Variants in AQR observed in about 807,000 individuals in gnomAD.
AQR encodes the protein aquarius intron-binding spliceosomal factor, also known as RNA helicase aquarius.
AQR carries 61 observed loss-of-function variants against 180.5 expected under a neutral mutation model. The ratio of observed to expected loss-of-function variants is 0.34; its 90% CI spans 0.28 to 0.42. The LOEUF is 0.42. AQR is among the 10% of genes least tolerant of loss of function. The pLI is 1.00. For missense variants in AQR, 1,281 were observed against 1,798.3 expected (o/e 0.71, Z 5.20); for synonymous variants, 551 against 588.8 (o/e 0.94, Z 0.93).
chr15:34,962,104 C>T (rs1181137488), intron 2 of AQR, among the ~76,000 whole-genome samples: 5 of 150,422 alleles, frequency 3.3e-5, no homozygotes, highest in Admixed American at 2.0e-4. Flanking sequence ...CTCATTGCAA[C>T]GTCTGCCTTC....
chr15:34,925,994 C>T (rs1335405340), intron 13 of AQR, among the ~76,000 whole-genome samples: 1 of 151,522 alleles, frequency 6.6e-6, no homozygotes, highest in Non-Finnish European at 1.5e-5. Context: ...GGTGAAACCC[C>T]GTCTCTACTA....
chr15:34,886,997 C>T (rs1195680032), intron 24 of AQR, among the ~76,000 whole-genome samples: 1 of 151,776 alleles, frequency 6.6e-6, no homozygotes, highest in Non-Finnish European at 1.5e-5. Context: ...TGGTGGCGGG[C>T]ACCTGTAGTC....
At position 34,886,642 on chromosome 15, in the gene AQR, C is replaced by T. The variant is rs1401794957; in HGVS notation, c.2701G>A (p.Val901Ile). ...AAAAGTTCTATTCTTCGAGCCAGAA[C>T]ATAATTAACTCTTCCATACCTAGAC... ...DFSRYGRVNY[V>I]LARRIELLEE... Residue 901 changes from valine (V) to isoleucine (I), a missense_variant, in exon 25 of 35, where the codon GTT becomes ATT. Val to Ile is a conservative substitution (Grantham distance 29, BLOSUM62 3). This residue lies in a region of AQR where 125 missense variants were observed against 185.0 expected (regional missense o/e 0.68). Coordinates refer to ENST00000156471, the MANE Select transcript of AQR (RefSeq NM_014691.3). 2 of 1,613,228 alleles carry T rather than the reference C, an allele frequency of 1.2e-6. No homozygotes were observed. Among genetic ancestry groups the T allele is most frequent in the East Asian group, 2.2e-5 (1 of 44,818 alleles).
At chr15:34,950,720 C>A (rs1294856824) in intron 4 of AQR, among the ~76,000 whole-genome samples, 1 of 152,022 alleles carries the variant, frequency 6.6e-6, no homozygotes, top group African/African-American at 2.4e-5. Context: ...CTCTGCTGTT[C>A]ACTCTTGCTT....
chr15:34,882,362 T>C, intron 27 of AQR, 140 bp downstream of exon 27: 3 of 934,234 alleles, frequency 3.2e-6, no homozygotes, highest in Non-Finnish European at 4.4e-6. Flanking sequence ...CAGAGTTCAC[T>C]AATCATGTAA....
At position 34,918,365 on chromosome 15, in the gene AQR, T is replaced by C; in HGVS notation, c.1235A>G (p.Glu412Gly). The change falls in exon 15 of 35, where the codon GAA (glutamate) becomes GGA (glycine). Residue 412 changes from glutamate to glycine, a missense_variant. By Grantham distance (98) the Glu-to-Gly change is moderately conservative (BLOSUM62 -2). Coordinates refer to ENST00000156471, the MANE Select transcript of AQR (RefSeq NM_014691.3). ...FLLELLVSRH[E>G]RRISQIQQLN... is the part of the protein sequence containing the mutation. Reference sequence around the variant, plus strand: ...CTGCTGAATCTGAGAAATTCGACGTTCATGACGAGATACCTAAAATAAAGG... The same window carrying C: ...CTGCTGAATCTGAGAAATTCGACGTCCATGACGAGATACCTAAAATAAAGG... 6.2e-7 allele frequency: 1 copy of C among 1,613,628 alleles called. No individual in the cohort carries two copies. Among genetic ancestry groups the C allele is most frequent in the South Asian group, 1.1e-5 (1 of 90,970 alleles).
intron 9 of AQR, among the ~76,000 whole-genome samples, chr15:34,937,759 C>A (rs1359884070): frequency 6.6e-6 from 1 of 151,958 alleles, no homozygotes; most frequent in Non-Finnish European, 1.5e-5. Flanking sequence ...TGGCACACGC[C>A]TGTAACTCCA....
intron 16 of AQR, 87 bp from the exon 17 acceptor site, chr15:34,910,400 C>T: frequency 2.1e-6 from 3 of 1,401,650 alleles, no homozygotes; most frequent in Admixed American, 2.1e-5. Flanking sequence ...AGTAGGAATA[C>T]TGTTCAGCTA....
chr15:34,878,914 G>A (rs1051855740), intron 27 of AQR, among the ~76,000 whole-genome samples: 4 of 152,070 alleles, frequency 2.6e-5, no homozygotes, highest in African/African-American at 9.7e-5. Flanking sequence ...TGTAATCCCA[G>A]CTACTTGGGA....
chr15:34,899,403 G>A (rs1336311726), intron 20 of AQR, among the ~76,000 whole-genome samples: 1 of 152,036 alleles, frequency 6.6e-6, no homozygotes, highest in Non-Finnish European at 1.5e-5. Context: ...TTGGGATAGA[G>A]TCTCGCTCTG....
At chr15:34,896,852 A>AAAAC (rs112801519) in intron 22 of AQR, 45 bp downstream of exon 22, 43,749 of 1,538,544 alleles carry the variant, frequency 0.028, 904 homozygotes, top group African/African-American at 0.1. Context: ...TCCATCTCAG[A>AAAAC]AAACAAACAA....
chr15:34,869,841 TTAAG>T (rs1175590994), intron 31 of AQR: 1 of 152,202 alleles, frequency 6.6e-6, no homozygotes, highest in Non-Finnish European at 1.5e-5. Context: ...GGTTACTTCA[TTAAG>T]TATTTCCCAA....
intron 33 of AQR, among the ~76,000 whole-genome samples, chr15:34,861,588 G>C (rs533827606): frequency 6.6e-6 from 1 of 152,286 alleles, no homozygotes; most frequent in Admixed American, 6.5e-5. Context: ...AAAGCACGTG[G>C]GGAGCTTGTT....
rs1220246283 is a variant in AQR at position 34,853,686 on chromosome 15, G to A, written c.*3106C>T. The A allele has an allele frequency of 6.6e-6, 1 of 152,146 alleles. No homozygotes were observed. The highest frequency in any genetic ancestry group is 2.4e-5 in the African/African-American group (1 of 41,432). The allele number at this position is 152,146 out of a possible 1,614,324, so 9.4% of individuals were successfully genotyped here. On this transcript the variant is annotated 3_prime_UTR_variant, in exon 35 of 35. Coordinates refer to ENST00000156471, the MANE Select transcript of AQR (RefSeq NM_014691.3). ...TATCCTACATTGTCAACAAAGCTTT[G>A]AAGAAAAACAGAGACAGAAACTGGT...
intron 31 of AQR, 171 bp from the exon 32 acceptor site, chr15:34,867,780 A>T: frequency 1.8e-6 from 1 of 554,882 alleles, no homozygotes. Context: ...TAAAGAAACC[A>T]TACTAATCAG....
chr15:34,856,536 A>G lies in AQR; in HGVS notation c.*256T>C, dbSNP rs1301969134. The stretch of plus-strand genomic sequence containing the variant: ...CATAGAAAATGATTTTAATGTAGGT[A>G]TGATTACAGACACACTCAGTGATCA... On this transcript the variant is annotated 3_prime_UTR_variant, in exon 35 of 35. Coordinates refer to ENST00000156471, the MANE Select transcript of AQR (RefSeq NM_014691.3). 2.4e-6 allele frequency: 1 copy of G among 419,738 alleles called. No homozygotes were observed. Among genetic ancestry groups the G allele is most frequent in the Non-Finnish European group, 4.2e-6 (1 of 237,766 alleles). 26.0% of individuals were successfully genotyped at this position (419,738 alleles called of 1,614,324 possible).
chr15:34,922,214 C>T (rs950928590), intron 13 of AQR, among the ~76,000 whole-genome samples: 10 of 152,150 alleles, frequency 6.6e-5, no homozygotes. Context: ...GGTTCCTTTA[C>T]GTTGCTGAGC....
At chr15:34,880,090 G>A (rs1232616237) in intron 27 of AQR, among the ~76,000 whole-genome samples, 2 of 152,066 alleles carry the variant, frequency 1.3e-5, no homozygotes, top group South Asian at 2.1e-4. Flanking sequence ...TTAAAATCAC[G>A]GCTTTGGGCT....
Position 34,888,770 on chromosome 15 carries a change from A to C in AQR, c.2681+1445T>G, listed in dbSNP as rs1893098741. On this transcript the variant is annotated intron_variant, in intron 24 of 34. Transcript: ENST00000156471. ...AAAAAGACTAGCAAAAAGTTGTTTT[A>C]GGATAGTGTAATTATGGATAACCAC... 2.0e-5 allele frequency among the ~76,000 whole-genome samples: 3 copies of C among 152,248 alleles called. 1 individual carries two copies. The South Asian group carries it at 6.2e-4, about 31-fold the overall frequency.
Sources: allele counts gnomAD v4.1 joint callset (sites outside exome capture counted in the v4.1 genomes callset), GRCh38; gene constraint gnomAD v4.1.1; regional missense constraint gnomAD v4.1.1; transcripts MANE v1.5; gene names NCBI Gene and HGNC (gene_info 2026-07-23, HGNC 2026-07-21).